Variants in DAPK2 observed in about 807,000 individuals in gnomAD.
DAPK2 encodes death-associated protein kinase 2.
In DAPK2, 35 loss-of-function variants were observed where a neutral mutation model predicts 44.1. The ratio of observed to expected loss-of-function variants is 0.79; its 90% CI spans 0.61 to 1.05. The LOEUF is 1.05. DAPK2 is among the 50% of genes least tolerant of loss of function. The pLI, the probability that DAPK2 is intolerant of heterozygous loss-of-function variation, is 0.00. For synonymous variants in DAPK2, 174 were observed against 182.6 expected, an observed-to-expected ratio of 0.95 and a Z score of 0.38; for missense variants, 453 against 483.2, an observed-to-expected ratio of 0.94 and a Z score of 0.59.
chr15:63,938,792 G>A (rs2077229487), intron 4 of DAPK2, among the ~76,000 whole-genome samples: 1 of 152,232 alleles, frequency 6.6e-6, no homozygotes, highest in African/African-American at 2.4e-5. Context: ...CAGGCATAGA[G>A]GAGAGGCGAG....
chr15:63,919,503 G>A (rs2079015610), intron 8 of DAPK2: 1 of 151,988 alleles, frequency 6.6e-6, no homozygotes, highest in African/African-American at 2.4e-5. Context: ...TTGAGACAGA[G>A]TCTCACTCTG....
At chr15:63,993,133 T>G (rs1466189911) in intron 1 of DAPK2, among the ~76,000 whole-genome samples, 1 of 152,114 alleles carries the variant, frequency 6.6e-6, no homozygotes, top group African/African-American at 2.4e-5. Context: ...CTGTGAACTT[T>G]CCACCTCTTC....
chr15:63,957,574 T>A (rs990620333), intron 3 of DAPK2, among the ~76,000 whole-genome samples: 2 of 144,506 alleles, frequency 1.4e-5, no homozygotes, highest in African/African-American at 5.2e-5. Context: ...TTCTCATTGT[T>A]CATTTCCCAC....
In DAPK2 at chr15:64,046,247, A is replaced by C; in HGVS notation, c.-7+51T>G. On this transcript the variant is annotated intron_variant, in intron 1 of 11. Transcript: ENST00000457488. The surrounding 1 kb of genome is among the most constrained non-coding windows in gnomAD (Gnocchi z 5.3). ...CCCAGACCCGGGCGCTGCTGCCGTC[A>C]GGCCGCGCGCCCCGTCCCGCCCATC... The C allele has an allele frequency of 1.2e-6, 1 of 824,648 alleles. No individual in the cohort carries two copies. Among genetic ancestry groups the C allele is most frequent in the Non-Finnish European group, 1.5e-6 (1 of 683,334 alleles). 51.1% of individuals were successfully genotyped at this position (824,648 alleles called of 1,614,324 possible).
At chr15:63,983,602 A>G (rs2078589436) in exon 2 of DAPK2, 1 of 1,614,064 alleles carries the variant, frequency 6.2e-7, no homozygotes, top group Admixed American at 1.7e-5. Context: ...ATTGTGGTGC[A>G]GCACCTGCCG....
intron 1 of DAPK2, among the ~76,000 whole-genome samples, chr15:63,994,793 T>C (rs940061332): frequency 1.3e-5 from 2 of 152,010 alleles, no homozygotes; most frequent in East Asian, 1.9e-4. Flanking sequence ...TTTCACCACA[T>C]TGGCCAGGCT....
chr15:64,035,755 C>T (rs1192023193), intron 1 of DAPK2, among the ~76,000 whole-genome samples: 1 of 152,246 alleles, frequency 6.6e-6, no homozygotes, highest in Non-Finnish European at 1.5e-5. Flanking sequence ...CAGCAGACAA[C>T]CTCCAGCATC....
intron 8 of DAPK2, among the ~76,000 whole-genome samples, chr15:63,914,254 G>C (rs1030976396): frequency 2.0e-5 from 3 of 152,178 alleles, no homozygotes; most frequent in Non-Finnish European, 2.9e-5. Flanking sequence ...AAAGCTGGAG[G>C]GGGAGTGCAT....
At chr15:63,981,047 G>A (rs185073541) in intron 2 of DAPK2, among the ~76,000 whole-genome samples, 103 of 150,892 alleles carry the variant, frequency 6.8e-4, no homozygotes, top group African/African-American at 2.4e-3. Context: ...CCAGGATCGC[G>A]TCATTGCACT....
intron 4 of DAPK2, among the ~76,000 whole-genome samples, chr15:63,937,322 G>A (rs1395115210): frequency 6.6e-6 from 1 of 152,132 alleles, no homozygotes; most frequent in African/African-American, 2.4e-5. Flanking sequence ...CCTTGAAATT[G>A]GCCAATGCTA....
chr15:63,973,950 C>A (rs1396269925), intron 2 of DAPK2, among the ~76,000 whole-genome samples: 2 of 152,182 alleles, frequency 1.3e-5, no homozygotes, highest in Admixed American at 1.3e-4. Flanking sequence ...AGCCCCCTTT[C>A]TTCAATTTTA....
rs376594832 is a variant in DAPK2, at chr15:63,925,298, C to T, written c.813-437G>A. ...CTGTTCTTAGACAGGAAAATCAGGG[C>T]CCTTGCACTCCAGACAACCCCACTC... On this transcript the variant is annotated intron_variant, in intron 7 of 10. Coordinates refer to ENST00000261891, the Ensembl canonical transcript of DAPK2. Among the ~76,000 whole-genome samples the T allele has an allele frequency of 1.4e-4, 22 of 152,112 alleles. No homozygotes were observed. In the East Asian group the frequency reaches 1.7e-3, roughly 12 times the overall value.
chr15:64,004,787 AG>A (rs1320209182), intron 1 of DAPK2, among the ~76,000 whole-genome samples: 2 of 152,192 alleles, frequency 1.3e-5, no homozygotes, highest in Admixed American at 1.3e-4. Flanking sequence ...GAGTCATCCA[AG>A]GACACAACCC....
intron 1 of DAPK2, among the ~76,000 whole-genome samples, chr15:64,035,663 G>A (rs2080160121): frequency 6.6e-6 from 1 of 152,134 alleles, no homozygotes; most frequent in East Asian, 1.9e-4. Flanking sequence ...ATATTTCCCT[G>A]CTCTGCTCTA....
chr15:63,934,513 T>A (rs550306886), intron 4 of DAPK2, among the ~76,000 whole-genome samples: 2 of 152,210 alleles, frequency 1.3e-5, no homozygotes, highest in Admixed American at 1.3e-4. Flanking sequence ...CACCTTGGCC[T>A]CCCAAAGTGC....
intron 8 of DAPK2, chr15:63,924,516 C>T: frequency 3.1e-6 from 1 of 318,736 alleles, no homozygotes; most frequent in East Asian, 5.8e-5. Flanking sequence ...GTGACATACC[C>T]TTCAACAAAG....
intron 3 of DAPK2, among the ~76,000 whole-genome samples, chr15:63,964,952 C>G (rs991101587): frequency 1.3e-5 from 2 of 152,082 alleles, no homozygotes; most frequent in African/African-American, 4.8e-5. Context: ...GTCCCTGGTG[C>G]CTTATTTAGT....
intron 10 of DAPK2, 199 bp downstream of exon 11, chr15:63,911,709 G>A (rs574843416): frequency 8.2e-6 from 5 of 606,378 alleles, no homozygotes; most frequent in African/African-American, 5.6e-5. Context: ...GTCCCCTCCC[G>A]GCACCACCCA....
At chr15:63,936,514 G>A (rs2077155428) in intron 4 of DAPK2, among the ~76,000 whole-genome samples, 1 of 152,144 alleles carries the variant, frequency 6.6e-6, no homozygotes, top group Non-Finnish European at 1.5e-5. Context: ...GGGAGGCTGA[G>A]GCACAAGAAT....
Sources: allele counts gnomAD v4.1 joint callset (sites outside exome capture counted in the v4.1 genomes callset), GRCh38; gene constraint gnomAD v4.1.1; non-coding constraint Gnocchi (gnomAD v3.1); transcripts MANE v1.5; gene names NCBI Gene and HGNC (gene_info 2026-07-23, HGNC 2026-07-21).